TMED3: variants seen among roughly 807,000 people sequenced by gnomAD.
The protein encoded by TMED3 is transmembrane emp24 domain-containing protein 3.
In TMED3, 9 loss-of-function variants were observed where a neutral mutation model predicts 15.0. That is an observed-to-expected ratio of 0.60 (90% CI 0.36 to 1.04). The LOEUF (loss-of-function observed/expected upper bound fraction) is 1.04. TMED3 is among the 50% of genes least tolerant of loss of function. The pLI is 0.01. For missense variants in TMED3, 267 were observed against 278.9 expected (o/e 0.96, Z 0.30); for synonymous variants, 117 against 121.4 (o/e 0.96, Z 0.24).
chr15:79,331,620 G>GA (rs1162434898), intron 2 of TMED3, among the ~76,000 whole-genome samples: 1 of 149,282 alleles, frequency 6.7e-6, no homozygotes, highest in African/African-American at 2.5e-5. Flanking sequence ...GAGACAATCT[G>GA]AAGAACAGGA....
intron 2 of TMED3, among the ~76,000 whole-genome samples, chr15:79,403,334 CT>C (rs1893860715): frequency 1.3e-5 from 2 of 149,516 alleles, no homozygotes; most frequent in South Asian, 4.3e-4. Flanking sequence ...TTGATGTTCT[CT>C]TTTATCTCCC....
chr15:79,322,892 G>T (rs1195886634), downstream of TMED3: 19 of 985,342 alleles, frequency 1.9e-5, no homozygotes, highest in Non-Finnish European at 2.3e-5. Context: ...AGAGCTTACT[G>T]CAGAGCATGG....
chr15:79,336,741 C>G (rs1490227098), intron 2 of TMED3, among the ~76,000 whole-genome samples: 2 of 152,038 alleles, frequency 1.3e-5, no homozygotes, highest in South Asian at 4.2e-4. Flanking sequence ...GAAAAAAACA[C>G]ATTAGCACCC....
chr15:79,343,626 A>T (rs2058858918), intron 2 of TMED3, among the ~76,000 whole-genome samples: 2 of 149,470 alleles, frequency 1.3e-5, no homozygotes, highest in South Asian at 2.1e-4. Flanking sequence ...TGGGTAGTAG[A>T]CTGCAGGGGT....
chr15:79,368,618 T>C (rs912780765), intron 2 of TMED3, among the ~76,000 whole-genome samples: 1 of 152,162 alleles, frequency 6.6e-6, no homozygotes, highest in Non-Finnish European at 1.5e-5. Flanking sequence ...AAATCTAATC[T>C]AGAAGGAGAG....
intron 2 of TMED3, among the ~76,000 whole-genome samples, chr15:79,409,037 C>T (rs930155157): frequency 8.5e-5 from 13 of 152,198 alleles, no homozygotes; most frequent in African/African-American, 3.1e-4. Context: ...AAGCTTGATT[C>T]CATGATTGCT....
At chr15:79,348,613 G>A (rs2058879906) in intron 2 of TMED3, among the ~76,000 whole-genome samples, 1 of 152,120 alleles carries the variant, frequency 6.6e-6, no homozygotes, top group African/African-American at 2.4e-5. Context: ...AAAAACAAGA[G>A]GTGCATACCA....
chr15:79,402,538 G>A (rs1222541987), intron 2 of TMED3, among the ~76,000 whole-genome samples: 1 of 152,202 alleles, frequency 6.6e-6, no homozygotes, highest in African/African-American at 2.4e-5. Context: ...CCAACATTTT[G>A]GGAGGCTGAG....
At position 79,412,213 on chromosome 15, in the gene TMED3, C is replaced by T. The variant is rs149273238; in HGVS notation, c.*709C>T. On this transcript the variant is annotated 3_prime_UTR_variant, in exon 3 of 3. Coordinates refer to the TMED3 transcript ENST00000424155. The stretch of plus-strand genomic sequence containing the variant: ...CAGTTTCCGCTGGGCCCATGGCCAT[C>T]CCCCCCAATCACTGCTGGTGCACAT... 9.5e-3 allele frequency: 1,449 copies of T among 152,198 alleles called. 12 individuals are homozygous for T. The highest frequency in any genetic ancestry group is 0.012 in the Non-Finnish European group (837 of 68,104). The allele number at this position is 152,198 out of a possible 1,614,324, so 9.4% of individuals were successfully genotyped here.
Position 79,351,897 on chromosome 15 carries a change from A to G in TMED3, c.417+37892A>G, listed in dbSNP as rs2058892391. ...GGAATTCTACTCAGCCATAAAAGGA[A>G]CAAAATAATGGCATTTGCAGTAACG... On this transcript the variant is annotated intron_variant, in intron 2 of 2. Coordinates refer to the TMED3 transcript ENST00000424155. Among the ~76,000 whole-genome samples, 3 of 152,214 alleles carry G rather than the reference A, an allele frequency of 2.0e-5. No individual in the cohort carries two copies. The South Asian group carries it at 6.2e-4, about 32-fold the overall frequency.
chr15:79,402,025 A>G (rs955946998), intron 2 of TMED3, among the ~76,000 whole-genome samples: 5 of 152,172 alleles, frequency 3.3e-5, no homozygotes, highest in Admixed American at 2.6e-4. Flanking sequence ...CTCAGAAAGA[A>G]AAACCTGTGA....
chr15:79,383,393 A>T lies in TMED3; in HGVS notation c.418-28007A>T, dbSNP rs558568767. ...TCCCTCACACCATCCTCAGGTTCAG[A>T]GTTTCACTAGATGAAGTCACAGAAC... On this transcript the variant is annotated intron_variant, in intron 2 of 2. Coordinates refer to the TMED3 transcript ENST00000424155. 1.4e-5 allele frequency: 3 copies of T among 208,632 alleles called. No individual in the cohort carries two copies. The East Asian group carries it at 3.3e-4, about 23-fold the overall frequency. The allele number at this position is 208,632 out of a possible 1,614,324, so 12.9% of individuals were successfully genotyped here. A position where few individuals can be genotyped will look rare whatever the true frequency, so the allele number is the denominator to read the frequency against.
chr15:79,312,479 C>G (rs568297424), intron 1 of TMED3, among the ~76,000 whole-genome samples: 11 of 152,286 alleles, frequency 7.2e-5, no homozygotes, highest in African/African-American at 2.4e-4. Flanking sequence ...TGTGTCCAGC[C>G]TGGGTTTAAA....
At chr15:79,382,158 C>A (rs1035577867) in intron 2 of TMED3, among the ~76,000 whole-genome samples, 1 of 152,154 alleles carries the variant, frequency 6.6e-6, no homozygotes, top group Non-Finnish European at 1.5e-5. Context: ...CTCGGCAGTC[C>A]TCAGCAACAT....
At chr15:79,405,399 T>C (rs1893889751) in intron 2 of TMED3, among the ~76,000 whole-genome samples, 1 of 152,202 alleles carries the variant, frequency 6.6e-6, no homozygotes, top group African/African-American at 2.4e-5. Context: ...GAATGCCAGC[T>C]TGGACCTATT....
intron 2 of TMED3, among the ~76,000 whole-genome samples, chr15:79,338,844 G>T (rs1239920977): frequency 6.6e-6 from 1 of 152,096 alleles, no homozygotes; most frequent in Non-Finnish European, 1.5e-5. Context: ...TTGCCAGGCG[G>T]ACCGTGGTCT....
intron 2 of TMED3, among the ~76,000 whole-genome samples, chr15:79,372,731 G>T (rs1046711966): frequency 1.3e-5 from 2 of 152,206 alleles, no homozygotes; most frequent in African/African-American, 2.4e-5. Context: ...GATTATGGGA[G>T]CTACAATTCC....
chr15:79,311,453 T>C, intron 1 of TMED3, 36 bp downstream of exon 1: 1 of 1,581,700 alleles, frequency 6.3e-7, no homozygotes, highest in Non-Finnish European at 8.6e-7. Flanking sequence ...CCCTTCTCCC[T>C]CCACTCCCAG....
intron 2 of TMED3, among the ~76,000 whole-genome samples, chr15:79,345,694 A>G (rs1221120367): frequency 6.6e-6 from 1 of 152,164 alleles, no homozygotes; most frequent in African/African-American, 2.4e-5. Context: ...GTCAAATAAT[A>G]TTTCTGCTTA....
Sources: gnomAD v4.1 joint callset for allele counts (sites outside exome capture counted in the v4.1 genomes callset) on GRCh38, gnomAD v4.1.1 for gene constraint, MANE v1.5 for transcripts, NCBI Gene and HGNC (gene_info 2026-07-23, HGNC 2026-07-21) for gene names.